The following PAX5 variants were observed in gnomAD, a reference collection of about 807,000 sequenced individuals.
PAX5 encodes the protein paired box protein Pax-5.
A neutral mutation model predicts 43.7 loss-of-function variants in PAX5; 9 were observed. The observed-to-expected ratio is 0.21, with a 90% CI of 0.12 to 0.36. The LOEUF (loss-of-function observed/expected upper bound fraction) is 0.36. PAX5 is among the 10% of genes least tolerant of loss of function. The probability of loss-of-function intolerance (pLI) is 1.00; values close to 1 mark genes in which losing one functional copy is unlikely to be tolerated. For missense variants in PAX5, 383 were observed against 532.7 expected (o/e 0.72, Z 2.77); for synonymous variants, 228 against 214.3 (o/e 1.06, Z -0.56).
chr9:37,034,042 C>G lies in PAX5; in HGVS notation c.-11G>C. 6.5e-7 allele frequency: 1 copy of G among 1,548,886 alleles called. No individual in the cohort carries two copies. Among genetic ancestry groups the G allele is most frequent in the Non-Finnish European group, 8.8e-7 (1 of 1,138,070 alleles). On this transcript the variant is annotated 5_prime_UTR_variant, in exon 1 of 10. Coordinates refer to ENST00000358127, the MANE Select transcript of PAX5 (RefSeq NM_016734.3). ...TTTCTCTAAATCCATTTTGATTTTT[C>G]AGGACTTGATGGAATGGACAGGGAA...
chr9:37,002,844 C>CG, intron 4 of PAX5, 68 bp from the exon 5 acceptor site: 2 of 1,491,228 alleles, frequency 1.3e-6, no homozygotes, highest in Non-Finnish European at 1.8e-6. Flanking sequence ...TGTCACCGCA[C>CG]GTGAGGCTGG....
chr9:36,859,341 A>AG (rs1265821898), intron 8 of PAX5, among the ~76,000 whole-genome samples: 1 of 152,166 alleles, frequency 6.6e-6, no homozygotes, highest in African/African-American at 2.4e-5. Context: ...GAAGTAGGGA[A>AG]GGGAGAGTTA....
intron 8 of PAX5, among the ~76,000 whole-genome samples, chr9:36,850,697 C>G: frequency 6.6e-6 from 1 of 152,280 alleles, no homozygotes. Context: ...CAGCTTACAT[C>G]GGAGTGGCTG....
chr9:36,911,529 T>A (rs1237166653), intron 7 of PAX5, among the ~76,000 whole-genome samples: 2 of 152,194 alleles, frequency 1.3e-5, no homozygotes, highest in African/African-American at 2.4e-5. Flanking sequence ...TGGCCGACAC[T>A]CAGTTGCAGG....
intron 8 of PAX5, among the ~76,000 whole-genome samples, chr9:36,853,824 C>T (rs1823393471): frequency 6.6e-6 from 1 of 152,230 alleles, no homozygotes; most frequent in Non-Finnish European, 1.5e-5. Flanking sequence ...TTTCAGCTTC[C>T]CCTTCGCTCA....
Position 37,015,283 on chromosome 9 carries a change from C to T in PAX5, c.213-89G>A, listed in dbSNP as rs548470807. On this transcript the variant is annotated intron_variant, in intron 2 of 9. Transcript: ENST00000358127. The surrounding 1 kb of genome is among the most constrained non-coding windows in gnomAD (Gnocchi z 4.4). Reference sequence around the variant, plus strand: ...ATAACGGGCTACTCTGGCCAGGAAACGTCCGGATCTGCACGTTCCAATACA... The same window carrying T: ...ATAACGGGCTACTCTGGCCAGGAAATGTCCGGATCTGCACGTTCCAATACA... 294 of 1,170,818 alleles carry T rather than the reference C, an allele frequency of 2.5e-4. No homozygotes were observed. Among genetic ancestry groups the T allele is most frequent in the Admixed American group, 3.8e-4 (21 of 55,670 alleles). 72.5% of individuals were successfully genotyped at this position (1,170,818 alleles called of 1,614,324 possible). A position where few individuals can be genotyped will look rare whatever the true frequency, so the allele number is the denominator to read the frequency against.
chr9:36,928,975 A>G (rs899991453), intron 6 of PAX5, among the ~76,000 whole-genome samples: 2 of 152,192 alleles, frequency 1.3e-5, no homozygotes, highest in African/African-American at 4.8e-5. Context: ...AAACCACTGC[A>G]TGTCTCTTTT....
At chr9:36,871,152 G>A (rs528046360) in intron 8 of PAX5, among the ~76,000 whole-genome samples, 1 of 152,350 alleles carries the variant, frequency 6.6e-6, no homozygotes, top group South Asian at 2.1e-4. Flanking sequence ...TAAACCCCAG[G>A]CCTGGCGTCA....
chr9:36,840,165 AG>A lies in PAX5; in HGVS notation c.*394del. 1 of 398,836 alleles carries A rather than the reference AG, an allele frequency of 2.5e-6. No individual in the cohort carries two copies. The highest frequency in any genetic ancestry group is 4.6e-6 in the Non-Finnish European group (1 of 217,424). The allele number at this position is 398,836 out of a possible 1,614,324, so 24.7% of individuals were successfully genotyped here. A position where few individuals can be genotyped will look rare whatever the true frequency, so the allele number is the denominator to read the frequency against. On this transcript the variant is annotated 3_prime_UTR_variant, in exon 10 of 10. Transcript: ENST00000358127. ...CCTTCAGGCCCACAGAAAAGCAAGA[AG>A]GTATTTACATGGGTGCTGCTGAAGC...
At chr9:36,843,091 TGC>T (rs1396934906) in intron 9 of PAX5, among the ~76,000 whole-genome samples, 4 of 151,810 alleles carry the variant, frequency 2.6e-5, no homozygotes, top group African/African-American at 7.3e-5. Context: ...TGTGTGTGTG[TGC>T]GTGTGTGTGT....
chr9:36,858,542 T>G (rs1351605182), intron 8 of PAX5, among the ~76,000 whole-genome samples: 1 of 152,182 alleles, frequency 6.6e-6, no homozygotes, highest in Non-Finnish European at 1.5e-5. Flanking sequence ...GTTAAAATTA[T>G]GAATCCAATC....
At chr9:36,867,190 GC>G (rs1358780374) in intron 8 of PAX5, among the ~76,000 whole-genome samples, 4 of 152,244 alleles carry the variant, frequency 2.6e-5, no homozygotes, top group Admixed American at 2.0e-4. Flanking sequence ...CACCCGCAGT[GC>G]CCATGGAAAA....
chr9:36,973,426 G>A (rs1016897826), intron 5 of PAX5, among the ~76,000 whole-genome samples: 3 of 152,180 alleles, frequency 2.0e-5, no homozygotes, highest in East Asian at 1.9e-4. Flanking sequence ...ATGAAATGAT[G>A]TGACTTGGGG....
At position 37,026,187 on chromosome 9, in the gene PAX5, C is replaced by G. The variant is rs192393185; in HGVS notation, c.47-5386G>C. ...GGGCGCTGTCTGAGACTCTGACTGG[C>G]CTCTCCCTACAACTTACTGCCCTCC... On this transcript the variant is annotated intron_variant, in intron 1 of 9. Coordinates refer to ENST00000358127, the MANE Select transcript of PAX5 (RefSeq NM_016734.3). Among the ~76,000 whole-genome samples the G allele has an allele frequency of 1.7e-3, 258 of 152,360 alleles. 1 individual carries two copies. Among genetic ancestry groups the G allele is most frequent in the African/African-American group, 5.8e-3 (241 of 41,586 alleles).
intron 4 of PAX5, among the ~76,000 whole-genome samples, chr9:37,003,096 G>A (rs1838058798): frequency 1.3e-5 from 2 of 149,670 alleles, no homozygotes; most frequent in Admixed American, 1.3e-4. Flanking sequence ...CATGGATGCA[G>A]GAAGCAGGGG....
At chr9:36,880,898 C>T (rs1826356614) in intron 8 of PAX5, among the ~76,000 whole-genome samples, 1 of 152,156 alleles carries the variant, frequency 6.6e-6, no homozygotes, top group Non-Finnish European at 1.5e-5. Flanking sequence ...TTTTTAGGTG[C>T]CCAGAGACAG....
chr9:36,834,815 C>T lies in PAX5; in HGVS notation c.*5745G>A, dbSNP rs1374712812. 8 of 226,020 alleles carry T rather than the reference C, an allele frequency of 3.5e-5. No individual in the cohort carries two copies. Among genetic ancestry groups the T allele is most frequent in the Admixed American group, 6.0e-5 (1 of 16,620 alleles). The allele number at this position is 226,020 out of a possible 1,614,324, so 14.0% of individuals were successfully genotyped here. On this transcript the variant is annotated 3_prime_UTR_variant, in exon 10 of 10. Transcript: ENST00000358127. Reference sequence around the variant, plus strand: ...GGCATGGTGATTTTGGGGACAAGGGCGACCAGCGGCCATAGCCACAGGGTC... The same window carrying T: ...GGCATGGTGATTTTGGGGACAAGGGTGACCAGCGGCCATAGCCACAGGGTC...
At chr9:36,919,511 G>A (rs574923540) in intron 7 of PAX5, among the ~76,000 whole-genome samples, 6 of 152,246 alleles carry the variant, frequency 3.9e-5, no homozygotes, top group South Asian at 2.1e-4. Context: ...CATTAAAAAC[G>A]TTCTGGAAAG....
intron 8 of PAX5, among the ~76,000 whole-genome samples, chr9:36,856,810 A>G (rs1823719156): frequency 6.6e-6 from 1 of 152,234 alleles, no homozygotes; most frequent in Admixed American, 6.5e-5. Context: ...AAGCAAAAAA[A>G]GAGCAGTACC....
Sources: gnomAD v4.1 joint callset for allele counts (sites outside exome capture counted in the v4.1 genomes callset) on GRCh38, gnomAD v4.1.1 for gene constraint, Gnocchi (gnomAD v3.1) non-coding constraint, MANE v1.5 for transcripts, NCBI Gene and HGNC (gene_info 2026-07-23, HGNC 2026-07-21) for gene names.